The following NPTXR variants were observed in gnomAD, a reference collection of about 807,000 sequenced individuals.
The protein encoded by NPTXR is neuronal pentraxin receptor.
In NPTXR, 12 loss-of-function variants were observed where a neutral mutation model predicts 32.2. That is an observed-to-expected ratio of 0.37 (90% CI 0.24 to 0.60). The LOEUF is 0.60. NPTXR is among the 20% of genes least tolerant of loss of function. The pLI, the probability that NPTXR is intolerant of heterozygous loss-of-function variation, is 0.66. For synonymous variants in NPTXR, 323 were observed against 315.8 expected, an observed-to-expected ratio of 1.02 and a Z score of -0.24; for missense variants, 612 against 682.9, an observed-to-expected ratio of 0.90 and a Z score of 1.16.
At chr22:38,824,043 T>C (rs139172831) in intron 3 of NPTXR, among the ~76,000 whole-genome samples, 100 of 152,098 alleles carry the variant, frequency 6.6e-4, no homozygotes, top group African/African-American at 2.2e-3. Context: ...AGTGGTGTGA[T>C]CTCAGCTCAC....
intron 2 of NPTXR, among the ~76,000 whole-genome samples, chr22:38,827,405 T>C (rs1057437376): frequency 2.0e-5 from 3 of 152,038 alleles, no homozygotes; most frequent in African/African-American, 7.2e-5. Context: ...AGCTAATTTT[T>C]GCATTTTTAG....
chr22:38,825,736 C>T (rs2093105338), intron 3 of NPTXR, among the ~76,000 whole-genome samples: 1 of 152,110 alleles, frequency 6.6e-6, no homozygotes, highest in South Asian at 2.1e-4. Flanking sequence ...CGGGGAGGGC[C>T]CGAGGGGCTG....
chr22:38,837,290 G>C (rs912039189), intron 1 of NPTXR, among the ~76,000 whole-genome samples: 8 of 152,304 alleles, frequency 5.3e-5, no homozygotes, highest in African/African-American at 1.7e-4. Context: ...GGGCTGGAGG[G>C]GGCACTGTGG....
In NPTXR at chr22:38,826,690, T is replaced by C; in HGVS notation, c.908A>G (p.Asn303Ser). 2 of 1,614,212 alleles carry C rather than the reference T, an allele frequency of 1.2e-6. No individual in the cohort carries two copies. Among genetic ancestry groups the C allele is most frequent in the Non-Finnish European group, 1.7e-6 (2 of 1,180,030 alleles). ...CTTCCGCACGCGGGCGTACATGTAG[T>C]TGTTACGGATGGGGATGCTGATCTT... is the stretch of plus-strand genomic sequence containing the variant. The change falls in exon 3 of 5, where the codon AAC (asparagine) becomes AGC (serine). Residue 303 changes from asparagine to serine, a missense_variant. Asn to Ser is a conservative substitution (Grantham distance 46). Transcript: ENST00000333039.
chr22:38,838,802 C>T (rs996784918), intron 1 of NPTXR, among the ~76,000 whole-genome samples: 3 of 151,854 alleles, frequency 2.0e-5, no homozygotes, highest in African/African-American at 7.3e-5. Context: ...AGGATGGTCT[C>T]GATCTCCTGA....
rs990760222 is a variant in NPTXR, at chr22:38,834,618, A to C, written c.625-6106T>G. Among the ~76,000 whole-genome samples, 3 of 146,022 alleles carry C rather than the reference A, an allele frequency of 2.1e-5. No individual in the cohort carries two copies. The highest frequency in any genetic ancestry group is 8.3e-5 in the African/African-American group (3 of 36,120). ...CCATCCATCATCCATCCATCCATCC[A>C]TCCATCCATCCATCCATCCATGTGT... On this transcript the variant is annotated intron_variant, in intron 1 of 4. Transcript: ENST00000333039. The surrounding 1 kb of genome is among the most constrained non-coding windows in gnomAD (Gnocchi z 4.4).
Position 38,843,437 on chromosome 22 carries a change from TC to T in NPTXR, c.421del (p.Glu141ArgfsTer75). ...GTCCTGGTCGGCGCGGATGCGCGCC[TC>T]CTGCTGCAGCGCCGTCTGGCGCAGC... On this transcript the variant is annotated frameshift_variant, in exon 1 of 5. Coordinates refer to ENST00000333039, the MANE Select transcript of NPTXR (RefSeq NM_014293.4). LOFTEE classifies it high-confidence loss of function. This position sits in a 1 kb window ranked among gnomAD's most constrained non-coding sequence, Gnocchi z 5.3. 7.2e-7 allele frequency: 1 copy of T among 1,384,414 alleles called. No individual in the cohort carries two copies. Among genetic ancestry groups the T allele is most frequent in the South Asian group, 1.7e-5 (1 of 60,086 alleles). 85.8% of individuals were successfully genotyped at this position (1,384,414 alleles called of 1,614,324 possible). A position where few individuals can be genotyped will look rare whatever the true frequency, so the allele number is the denominator to read the frequency against.
chr22:38,839,546 G>A (rs1248163280), intron 1 of NPTXR, among the ~76,000 whole-genome samples: 1 of 152,170 alleles, frequency 6.6e-6, no homozygotes, highest in African/African-American at 2.4e-5. Flanking sequence ...TCAGGAGGCT[G>A]AGGCAGGAGA....
intron 2 of NPTXR, 65 bp downstream of exon 2, chr22:38,828,222 A>AT: frequency 1.5e-6 from 2 of 1,375,678 alleles, no homozygotes; most frequent in Non-Finnish European, 2.0e-6. Flanking sequence ...GCATGGATAT[A>AT]TTTTTTGAAT....
Position 38,843,658 on chromosome 22 carries a change from A to C in NPTXR, c.201T>G (p.Gly67=), listed in dbSNP as rs2093135387. The change falls in exon 1 of 5, where the codon GGT becomes GGG. Residue 67 remains glycine (G), a synonymous_variant. Coordinates refer to ENST00000333039, the MANE Select transcript of NPTXR (RefSeq NM_014293.4). The surrounding 1 kb of genome is among the most constrained non-coding windows in gnomAD (Gnocchi z 5.3). ...CGGGCAGCGCGGGGGGCCCGGCTGA[A>C]CCGCCCGCGCCGTGCAGCGCGCTCA... 1 of 1,031,096 alleles carries C rather than the reference A, an allele frequency of 9.7e-7. No individual in the cohort carries two copies. Among genetic ancestry groups the C allele is most frequent in the African/African-American group, 1.8e-5 (1 of 56,840 alleles). The allele number at this position is 1,031,096 out of a possible 1,614,324, so 63.9% of individuals were successfully genotyped here. A position where few individuals can be genotyped will look rare whatever the true frequency, so the allele number is the denominator to read the frequency against.
chr22:38,840,704 TG>T (rs965060852), intron 1 of NPTXR, among the ~76,000 whole-genome samples: 20 of 152,082 alleles, frequency 1.3e-4, no homozygotes, highest in African/African-American at 4.3e-4. Context: ...GAAGGAAACC[TG>T]GGCTGGACAC....
At chr22:38,837,102 C>G (rs774498955) in intron 1 of NPTXR, among the ~76,000 whole-genome samples, 2 of 152,222 alleles carry the variant, frequency 1.3e-5, no homozygotes, top group Non-Finnish European at 2.9e-5. Context: ...GCGTGAGCCA[C>G]CGCGCCCAGC....
At chr22:38,827,878 G>A (rs1295736303) in intron 2 of NPTXR, among the ~76,000 whole-genome samples, 1 of 152,120 alleles carries the variant, frequency 6.6e-6, no homozygotes, top group African/African-American at 2.4e-5. Flanking sequence ...ACAAAATCCT[G>A]ACCAAGTCAT....
At position 38,822,690 on chromosome 22, in the gene NPTXR, G is replaced by A. The variant is rs777661284; in HGVS notation, c.1422C>T (p.Pro474=). 6.2e-7 allele frequency: 1 copy of A among 1,614,156 alleles called. No individual in the cohort carries two copies. The stretch of plus-strand genomic sequence containing the variant: ...AGGCCTCCACCAACTTGTCTTCCCA[G>A]GGAAGGACGTTGCCCAGCAGTGGCG... Residue 474 remains proline, a synonymous_variant, in exon 5 of 5, where the codon CCC becomes CCT. Coordinates refer to ENST00000333039, the MANE Select transcript of NPTXR (RefSeq NM_014293.4).
intron 1 of NPTXR, among the ~76,000 whole-genome samples, chr22:38,830,918 C>T (rs1603245689): frequency 6.6e-6 from 1 of 152,328 alleles, no homozygotes; most frequent in East Asian, 1.9e-4. Flanking sequence ...GTCACGGCCT[C>T]CCAGCCACGC....
chr22:38,832,253 AC>A (rs1001324844), intron 1 of NPTXR, among the ~76,000 whole-genome samples: 3 of 151,726 alleles, frequency 2.0e-5, no homozygotes, highest in African/African-American at 7.3e-5. Flanking sequence ...CGACTCCCGC[AC>A]CCCCACTTCC....
intron 1 of NPTXR, among the ~76,000 whole-genome samples, chr22:38,838,518 C>G (rs548967038): frequency 3.6e-4 from 54 of 151,604 alleles, no homozygotes; most frequent in Admixed American, 2.2e-3. Flanking sequence ...CTCTGGGCTC[C>G]GAGGCAGAAA....
In NPTXR at chr22:38,822,791, C is replaced by T. The variant is rs752310738; in HGVS notation, c.1321G>A (p.Gly441Ser). ...CACAGGTTAAACTGGGCAATGTCAC[C>T]GACAAAGGCCTGGGTGGCATCAAAC... The change falls in exon 5 of 5, where the codon GGT (glycine) becomes AGT (serine). Residue 441 changes from glycine (G) to serine (S), a missense_variant. Gly to Ser is a moderately conservative substitution (Grantham distance 56). Transcript: ENST00000333039. 47 of 1,613,944 alleles carry T rather than the reference C, an allele frequency of 2.9e-5. No homozygotes were observed. The highest frequency in any genetic ancestry group is 3.8e-5 in the Non-Finnish European group (45 of 1,179,998).
chr22:38,828,206 CG>C (rs35735794), intron 2 of NPTXR, 80 bp downstream of exon 2: 187,776 of 1,169,144 alleles, frequency 0.16, 16,100 homozygotes, highest in Middle Eastern at 0.2. Flanking sequence ...TGTTAGCCTC[CG>C]GGGAGCATGG....
Sources: allele counts gnomAD v4.1 joint callset (sites outside exome capture counted in the v4.1 genomes callset), GRCh38; gene constraint gnomAD v4.1.1; non-coding constraint Gnocchi (gnomAD v3.1); transcripts MANE v1.5; gene names NCBI Gene and HGNC (gene_info 2026-07-23, HGNC 2026-07-21).